The following CNOT2 variants were observed in gnomAD, a reference collection of about 807,000 sequenced individuals.
CNOT2 encodes CC chemokine receptor 4-negative regulator of transcription 2.
In CNOT2, 7 loss-of-function variants were observed where a neutral mutation model predicts 72.1. The ratio of observed to expected loss-of-function variants is 0.10; its 90% confidence interval spans 0.06 to 0.18. CNOT2 has a LOEUF of 0.18. Ranked by LOEUF, CNOT2 falls within the 10% of genes least tolerant of loss-of-function variation. The pLI, the probability that CNOT2 is intolerant of heterozygous loss-of-function variation, is 1.00. For missense variants in CNOT2, 345 were observed against 660.3 expected (o/e 0.52, Z 5.23); for synonymous variants, 196 against 225.6 (o/e 0.87, Z 1.17).
chr12:70,319,060 C>T (rs1406325076), intron 3 of CNOT2: 1 of 319,632 alleles, frequency 3.1e-6, no homozygotes, highest in Non-Finnish European at 5.7e-6. Flanking sequence ...GTTAGTGTGA[C>T]TTTTAGAAAA....
At chr12:70,266,365 C>T (rs1429279674) in intron 1 of CNOT2, among the ~76,000 whole-genome samples, 1 of 152,150 alleles carries the variant, frequency 6.6e-6, no homozygotes, top group Admixed American at 6.5e-5. Context: ...TCAGGTGATC[C>T]GCCCACCTTG....
chr12:70,295,436 T>C (rs1872659341), intron 2 of CNOT2, among the ~76,000 whole-genome samples: 1 of 152,170 alleles, frequency 6.6e-6, no homozygotes, highest in Non-Finnish European at 1.5e-5. Context: ...CGTTTTTTTC[T>C]CAATATGTAT....
At chr12:70,259,888 G>A (rs190262071) in intron 1 of CNOT2, among the ~76,000 whole-genome samples, 44 of 152,298 alleles carry the variant, frequency 2.9e-4, no homozygotes, top group African/African-American at 1.0e-3. Flanking sequence ...AGTGAAAAAT[G>A]TGCATGATTT....
chr12:70,319,791 G>T (rs1247213338), intron 4 of CNOT2, among the ~76,000 whole-genome samples: 1 of 151,514 alleles, frequency 6.6e-6, no homozygotes, highest in Non-Finnish European at 1.5e-5. Context: ...TTTGTAAAAT[G>T]TTCTTTGTTT....
intron 14 of CNOT2, 35 bp from the exon 15 acceptor site, chr12:70,346,145 A>C (rs1882144472): frequency 6.7e-7 from 1 of 1,491,052 alleles, no homozygotes; most frequent in African/African-American, 1.4e-5. Context: ...AAGCCACAGG[A>C]AAAAGTTAAT....
chr12:70,245,098 G>T (rs1206482044), intron 1 of CNOT2, among the ~76,000 whole-genome samples: 1 of 152,154 alleles, frequency 6.6e-6, no homozygotes, highest in Non-Finnish European at 1.5e-5. Flanking sequence ...GATTGAAAGG[G>T]TTAAGAATCA....
chr12:70,338,669 G>A lies in CNOT2; in HGVS notation c.1025G>A (p.Arg342Gln), dbSNP rs759733232. The change falls in exon 11 of 16, where the codon CGG becomes CAG. Residue 342 changes from arginine to glutamine, a missense_variant. By Grantham distance (43) the Arg-to-Gln change is conservative (BLOSUM62 1). This residue lies in a region of CNOT2 where 128 missense variants were observed against 233.0 expected (regional missense o/e 0.55). Transcript: ENST00000229195. Reference protein sequence around the residue: ...KKGIQVLPDGRVTNIPQGMVT... With the variant: ...KKGIQVLPDGQVTNIPQGMVT... ...CAACTGTGTTTTTCCTACCCAGGTC[G>A]GGTTACTAACATTCCTCAAGGGATG... 8.7e-6 allele frequency: 14 copies of A among 1,610,584 alleles called. No homozygotes were observed. Among genetic ancestry groups the A allele is most frequent in the Middle Eastern group, 1.7e-4 (1 of 6,054 alleles).
At chr12:70,333,109 A>G (rs1431244697) in intron 7 of CNOT2, among the ~76,000 whole-genome samples, 2 of 151,926 alleles carry the variant, frequency 1.3e-5, no homozygotes, top group Admixed American at 6.6e-5. Flanking sequence ...GAGCCTACAC[A>G]TTAACTTAGT....
At chr12:70,264,402 T>TA (rs1488412734) in intron 1 of CNOT2, among the ~76,000 whole-genome samples, 1 of 152,224 alleles carries the variant, frequency 6.6e-6, no homozygotes, top group Non-Finnish European at 1.5e-5. Context: ...GGGAGGCTTT[T>TA]AGAGTTCTCT....
chr12:70,247,430 A>C (rs765785791), intron 1 of CNOT2, among the ~76,000 whole-genome samples: 1 of 152,180 alleles, frequency 6.6e-6, no homozygotes, highest in Non-Finnish European at 1.5e-5. Context: ...TGCTGGGATT[A>C]CAGGCATGAG....
intron 2 of CNOT2, among the ~76,000 whole-genome samples, chr12:70,298,146 C>G (rs1873151132): frequency 6.6e-6 from 1 of 152,184 alleles, no homozygotes; most frequent in Admixed American, 6.5e-5. Flanking sequence ...TAGAGACTGG[C>G]TTTTGTCTCA....
chr12:70,311,542 G>A (rs1370146367), intron 3 of CNOT2, among the ~76,000 whole-genome samples: 1 of 151,948 alleles, frequency 6.6e-6, no homozygotes, highest in Non-Finnish European at 1.5e-5. Context: ...TGTGATGGAT[G>A]ATATAGAGAT....
At chr12:70,266,660 C>T (rs1488201014) in intron 1 of CNOT2, among the ~76,000 whole-genome samples, 1 of 152,082 alleles carries the variant, frequency 6.6e-6, no homozygotes, top group Non-Finnish European at 1.5e-5. Flanking sequence ...TTATGTCTTC[C>T]TGGTAAGTTG....
At position 70,302,992 on chromosome 12, in the gene CNOT2, A is replaced by T. The variant is rs11514300; in HGVS notation, c.49-7903A>T. On this transcript the variant is annotated intron_variant, in intron 2 of 15. Coordinates refer to ENST00000229195, the MANE Select transcript of CNOT2 (RefSeq NM_014515.7). ...GTAATGGCCTTCTTTGTCTCTTTTG[A>T]TCTTTGTTGGTTTAAAGTCTGTTTT... Among the ~76,000 whole-genome samples, 1,097 of 151,926 alleles carry T rather than the reference A, an allele frequency of 7.2e-3. 2 individuals are homozygous for T. The highest frequency in any genetic ancestry group is 0.012 in the Non-Finnish European group (789 of 67,934).
intron 11 of CNOT2, among the ~76,000 whole-genome samples, chr12:70,339,854 A>T (rs2136059679): frequency 6.6e-6 from 1 of 152,184 alleles, no homozygotes; most frequent in Admixed American, 6.5e-5. Context: ...TAGCCAACAA[A>T]TCTGACTACC....
chr12:70,309,528 C>A (rs891074095), intron 2 of CNOT2, among the ~76,000 whole-genome samples: 10 of 152,070 alleles, frequency 6.6e-5, no homozygotes, highest in African/African-American at 2.4e-4. Flanking sequence ...ACATAGTTCA[C>A]CACGTCTACT....
At position 70,244,922 on chromosome 12, in the gene CNOT2, A is replaced by G. The variant is rs1957806706; in HGVS notation, c.-96+1442A>G. On this transcript the variant is annotated intron_variant, in intron 1 of 15. Coordinates refer to ENST00000229195, the MANE Select transcript of CNOT2 (RefSeq NM_014515.7). ...CTGTTGATTTCCCTTTTGAAGCAATATAAATGGAAAGAATAAAGTATGGGG... is the reference window on the plus strand; with the variant it reads ...CTGTTGATTTCCCTTTTGAAGCAATGTAAATGGAAAGAATAAAGTATGGGG... Among the ~76,000 whole-genome samples the G allele has an allele frequency of 2.0e-5, 3 of 152,246 alleles. No homozygotes were observed. In the South Asian group the frequency reaches 6.2e-4, roughly 32 times the overall value.
At chr12:70,294,588 G>C (rs908323316) in intron 2 of CNOT2, among the ~76,000 whole-genome samples, 4 of 151,818 alleles carry the variant, frequency 2.6e-5, no homozygotes, top group Non-Finnish European at 5.9e-5. Context: ...GTATATAGCA[G>C]GTCCAGAAAA....
Position 70,344,148 on chromosome 12 carries a change from C to G in CNOT2, c.1311C>G (p.Gly437=). The stretch of plus-strand genomic sequence containing the variant: ...TTCAGCTGGCTGCAATAAAACTTGG[C>G]CGATATGGTGAAGACCTTCTCTTCT... The part of the protein sequence containing the change: ...IRDKLAAIKL[G]RYGEDLLFYL... The change falls in exon 14 of 16, where the codon GGC becomes GGG. Residue 437 remains glycine (G), a synonymous_variant. Transcript: ENST00000229195. 6.2e-7 allele frequency: 1 copy of G among 1,600,082 alleles called. No homozygotes were observed. The highest frequency in any genetic ancestry group is 8.5e-7 in the Non-Finnish European group (1 of 1,175,202).
Sources: gnomAD v4.1 joint callset for allele counts (sites outside exome capture counted in the v4.1 genomes callset) on GRCh38, gnomAD v4.1.1 for gene constraint, gnomAD v4.1.1 regional missense constraint, MANE v1.5 for transcripts, NCBI Gene and HGNC (gene_info 2026-07-23, HGNC 2026-07-21) for gene names.